Variants in WDR7 observed in about 807,000 individuals in gnomAD.
WDR7 encodes the protein WD repeat domain 7.
WDR7 carries 46 observed loss-of-function variants against 169.4 expected under a neutral mutation model. The observed-to-expected ratio is 0.27, with a 90% CI of 0.21 to 0.35. WDR7 has a LOEUF of 0.35. WDR7 is among the 10% of genes least tolerant of loss of function. The pLI is 1.00. For missense variants in WDR7, 1,534 were observed against 1,859.3 expected (o/e 0.83, Z 3.22); for synonymous variants, 612 against 666.8 (o/e 0.92, Z 1.27).
chr18:56,990,724 C>T (rs971546658), intron 26 of WDR7, among the ~76,000 whole-genome samples: 4 of 152,152 alleles, frequency 2.6e-5, no homozygotes, highest in African/African-American at 9.7e-5. Flanking sequence ...GTAAGCTTTA[C>T]TTATATATAC....
intron 7 of WDR7, among the ~76,000 whole-genome samples, chr18:56,688,759 A>G (rs949473498): frequency 3.3e-5 from 5 of 151,826 alleles, no homozygotes; most frequent in African/African-American, 1.2e-4. Flanking sequence ...AAGAGGATAC[A>G]GTGAAAAATG....
intron 14 of WDR7, among the ~76,000 whole-genome samples, chr18:56,737,301 A>G (rs1426260379): frequency 6.6e-6 from 1 of 152,252 alleles, no homozygotes; most frequent in Non-Finnish European, 1.5e-5. Flanking sequence ...TTTCTCATAA[A>G]GCATTTGCTA....
At chr18:56,679,588 TC>T (rs2025314933) in intron 3 of WDR7, 150 bp downstream of exon 3, 1 of 480,988 alleles carries the variant, frequency 2.1e-6, no homozygotes, top group African/African-American at 2.0e-5. Context: ...ATATTTAAAA[TC>T]TGATTTTAGG....
chr18:56,725,385 G>A (rs1411434412), intron 13 of WDR7, among the ~76,000 whole-genome samples: 8 of 151,606 alleles, frequency 5.3e-5, no homozygotes, highest in Admixed American at 3.9e-4. Flanking sequence ...GTTTTGATTT[G>A]CATTTCTCTG....
At chr18:56,766,026 T>G (rs1371200891) in intron 16 of WDR7, among the ~76,000 whole-genome samples, 1 of 151,776 alleles carries the variant, frequency 6.6e-6, no homozygotes, top group Non-Finnish European at 1.5e-5. Context: ...TTGAAAGCTT[T>G]TTTTTTTTTC....
chr18:57,009,881 CAT>C, intron 26 of WDR7: 2 of 985,418 alleles, frequency 2.0e-6, no homozygotes, highest in Non-Finnish European at 2.4e-6. Context: ...AGCGGGAACA[CAT>C]GTGAAGATCC....
chr18:56,853,013 A>G (rs545333767), intron 20 of WDR7, among the ~76,000 whole-genome samples: 4 of 152,214 alleles, frequency 2.6e-5, no homozygotes, highest in African/African-American at 9.6e-5. Flanking sequence ...AAACTTGAAA[A>G]CATTATTTAT....
intron 12 of WDR7, among the ~76,000 whole-genome samples, chr18:56,708,038 T>G (rs2025999783): frequency 6.6e-6 from 1 of 150,662 alleles, no homozygotes; most frequent in Non-Finnish European, 1.5e-5. Flanking sequence ...TCCTTTTTTT[T>G]TTTTTTTTTT....
chr18:56,813,288 G>T (rs1410136982), intron 19 of WDR7, among the ~76,000 whole-genome samples: 1 of 151,868 alleles, frequency 6.6e-6, no homozygotes, highest in East Asian at 1.9e-4. Flanking sequence ...TGTGGCATTG[G>T]GTAGAACTTC....
At chr18:56,901,901 TAA>T (rs1306123505) in intron 21 of WDR7, among the ~76,000 whole-genome samples, 1 of 151,972 alleles carries the variant, frequency 6.6e-6, no homozygotes, top group Non-Finnish European at 1.5e-5. Flanking sequence ...AAAGAAAGAA[TAA>T]AAATGGCAAG....
chr18:56,727,099 TAGTC>T (rs1465780321), intron 13 of WDR7, among the ~76,000 whole-genome samples: 2 of 152,212 alleles, frequency 1.3e-5, no homozygotes, highest in African/African-American at 2.4e-5. Flanking sequence ...CAATGGATGT[TAGTC>T]AGTGTTCAGA....
At chr18:56,882,021 C>T (rs963172813) in intron 21 of WDR7, among the ~76,000 whole-genome samples, 9 of 152,224 alleles carry the variant, frequency 5.9e-5, no homozygotes, top group Non-Finnish European at 1.2e-4. Flanking sequence ...TGTCTTGCGA[C>T]CTGAGAACCG....
At chr18:56,993,461 A>G (rs2047846138) in intron 26 of WDR7, among the ~76,000 whole-genome samples, 1 of 152,212 alleles carries the variant, frequency 6.6e-6, no homozygotes, top group Admixed American at 6.5e-5. Context: ...TCTTGAAGCC[A>G]CATCATCCAG....
intron 20 of WDR7, among the ~76,000 whole-genome samples, chr18:56,849,328 G>C (rs1035166525): frequency 6.6e-6 from 1 of 152,118 alleles, no homozygotes; most frequent in African/African-American, 2.4e-5. Context: ...TTACTCCCAG[G>C]ACATGGTTCT....
chr18:56,825,777 A>T (rs756498228), intron 20 of WDR7, among the ~76,000 whole-genome samples: 6 of 152,310 alleles, frequency 3.9e-5, no homozygotes, highest in Non-Finnish European at 7.3e-5. Context: ...AAGTGTTTGA[A>T]ATGTGAAGAA....
intron 25 of WDR7, among the ~76,000 whole-genome samples, chr18:56,955,674 A>ATGG (rs1385633397): frequency 1.3e-5 from 2 of 152,028 alleles, no homozygotes; most frequent in African/African-American, 4.8e-5. Flanking sequence ...GATGATGATG[A>ATGG]TGATGATGAT....
chr18:56,713,368 G>A (rs2026124454), intron 12 of WDR7, among the ~76,000 whole-genome samples: 1 of 152,104 alleles, frequency 6.6e-6, no homozygotes, highest in African/African-American at 2.4e-5. Flanking sequence ...TAAACCTTGA[G>A]TCATCCTTTT....
chr18:56,713,317 A>G (rs1315940582), intron 12 of WDR7, among the ~76,000 whole-genome samples: 1 of 152,216 alleles, frequency 6.6e-6, no homozygotes, highest in East Asian at 1.9e-4. Context: ...ACTCACATTA[A>G]TGAGACATTT....
chr18:56,893,383 A>G (rs1017405190), intron 21 of WDR7, among the ~76,000 whole-genome samples: 2 of 152,128 alleles, frequency 1.3e-5, no homozygotes, highest in East Asian at 1.9e-4. Flanking sequence ...AGAAAGGACC[A>G]TGAACATCTA....
Sources: gnomAD v4.1 joint callset for allele counts (sites outside exome capture counted in the v4.1 genomes callset) on GRCh38, gnomAD v4.1.1 for gene constraint, MANE v1.5 for transcripts, NCBI Gene and HGNC (gene_info 2026-07-23, HGNC 2026-07-21) for gene names.